FMNL2: variants seen among roughly 807,000 people sequenced by gnomAD.
The protein encoded by FMNL2 is formin like 2.
FMNL2 carries 51 observed loss-of-function variants against 130.2 expected under a neutral mutation model. The ratio of observed to expected loss-of-function variants is 0.39; its 90% confidence interval spans 0.31 to 0.49. FMNL2 has a LOEUF of 0.49. Ranked by LOEUF, FMNL2 falls within the 20% of genes least tolerant of loss-of-function variation. FMNL2 has a pLI of 0.85. For synonymous variants in FMNL2, 465 were observed against 467.1 expected (o/e 1.00, Z 0.06); for missense variants, 977 against 1,316.2 (o/e 0.74, Z 3.99).
intron 9 of FMNL2, among the ~76,000 whole-genome samples, chr2:152,602,733 T>C (rs1698145206): frequency 6.6e-6 from 1 of 152,206 alleles, no homozygotes; most frequent in African/African-American, 2.4e-5. Context: ...TGTGTAATGA[T>C]GTACACGTGC....
At chr2:152,563,938 C>T (rs958835062) in intron 6 of FMNL2, among the ~76,000 whole-genome samples, 5 of 152,096 alleles carry the variant, frequency 3.3e-5, no homozygotes, top group Admixed American at 6.6e-5. Flanking sequence ...TCATAAGTCT[C>T]GGGTGAAAAC....
intron 23 of FMNL2, among the ~76,000 whole-genome samples, chr2:152,639,287 A>C (rs576625897): frequency 1.4e-4 from 21 of 152,350 alleles, no homozygotes; most frequent in African/African-American, 4.8e-4. Context: ...GCTGGGCTGG[A>C]GGATGTGGTG....
chr2:152,540,103 G>T (rs1694225637), intron 2 of FMNL2, among the ~76,000 whole-genome samples: 4 of 151,908 alleles, frequency 2.6e-5, no homozygotes, highest in Non-Finnish European at 1.5e-5. Context: ...AATTTTTTTT[G>T]AATAATTGGA....
intron 1 of FMNL2, among the ~76,000 whole-genome samples, chr2:152,352,056 G>C (rs763006651): frequency 1.8e-4 from 27 of 152,208 alleles, no homozygotes; most frequent in Non-Finnish European, 2.9e-4. Context: ...TTCTGACTTA[G>C]AACTCTCAGA....
At chr2:152,443,009 G>C (rs1441537769) in intron 1 of FMNL2, among the ~76,000 whole-genome samples, 8 of 152,294 alleles carry the variant, frequency 5.3e-5, no homozygotes, top group African/African-American at 1.7e-4. Context: ...TTTGTGGGTG[G>C]TTGGGCAGGA....
chr2:152,377,484 A>G (rs958016357), intron 1 of FMNL2, among the ~76,000 whole-genome samples: 18 of 152,366 alleles, frequency 1.2e-4, no homozygotes, highest in African/African-American at 3.6e-4. Flanking sequence ...GCAACCAGTC[A>G]TATGTAGCTA....
chr2:152,471,956 G>T (rs556205485), intron 1 of FMNL2, among the ~76,000 whole-genome samples: 1 of 152,236 alleles, frequency 6.6e-6, no homozygotes, highest in African/African-American at 2.4e-5. Context: ...ATTTTTTAAA[G>T]CTCCTCATTC....
chr2:152,458,670 T>G (rs1434803704), intron 1 of FMNL2, among the ~76,000 whole-genome samples: 3 of 152,334 alleles, frequency 2.0e-5, no homozygotes, highest in South Asian at 2.1e-4. Flanking sequence ...AGACACTGAT[T>G]ACATGTTCTG....
intron 1 of FMNL2, among the ~76,000 whole-genome samples, chr2:152,422,138 A>G (rs1347363666): frequency 2.6e-5 from 4 of 152,216 alleles, no homozygotes; most frequent in Non-Finnish European, 4.4e-5. Context: ...AATAGGCTTA[A>G]GAAGTTCAGG....
At chr2:152,480,672 G>A (rs1579770881) in intron 1 of FMNL2, among the ~76,000 whole-genome samples, 1 of 132,068 alleles carries the variant, frequency 7.6e-6, no homozygotes. Context: ...GTGAAAATCA[G>A]CCTCAAAACA....
chr2:152,642,004 T>C (rs777686442), intron 25 of FMNL2, among the ~76,000 whole-genome samples: 1 of 151,836 alleles, frequency 6.6e-6, no homozygotes, highest in Non-Finnish European at 1.5e-5. Context: ...GCAGTGGTGC[T>C]ATCTCAGCTC....
chr2:152,370,172 T>A (rs1267184257), intron 1 of FMNL2, among the ~76,000 whole-genome samples: 1 of 152,160 alleles, frequency 6.6e-6, no homozygotes, highest in Non-Finnish European at 1.5e-5. Flanking sequence ...AAACTTTGAT[T>A]TCTCACGGTT....
chr2:152,426,955 C>G (rs1159979845), intron 1 of FMNL2, among the ~76,000 whole-genome samples: 1 of 152,204 alleles, frequency 6.6e-6, no homozygotes, highest in Non-Finnish European at 1.5e-5. Flanking sequence ...GTGGCCCATA[C>G]TCTTCCTGCC....
intron 1 of FMNL2, among the ~76,000 whole-genome samples, chr2:152,435,340 G>A (rs1185250729): frequency 6.6e-6 from 1 of 152,054 alleles, no homozygotes; most frequent in Non-Finnish European, 1.5e-5. Context: ...AGGGCAAATG[G>A]GACAGATTAT....
chr2:152,424,394 CTT>C (rs201404421), intron 1 of FMNL2, among the ~76,000 whole-genome samples: 7 of 142,048 alleles, frequency 4.9e-5, no homozygotes, highest in Admixed American at 2.1e-4. Context: ...GGCCTACCAT[CTT>C]TTTTTTTTTT....
At chr2:152,433,845 C>T (rs1026894849) in intron 1 of FMNL2, among the ~76,000 whole-genome samples, 1 of 152,184 alleles carries the variant, frequency 6.6e-6, no homozygotes. Flanking sequence ...AGAAAAGGCT[C>T]TGCAGACAGC....
chr2:152,635,655 G>T (rs1255279902), intron 21 of FMNL2, among the ~76,000 whole-genome samples: 1 of 152,214 alleles, frequency 6.6e-6, no homozygotes, highest in Non-Finnish European at 1.5e-5. Context: ...AGTCAGGCAA[G>T]GGGGCCCAGA....
At chr2:152,503,058 T>G (rs1691938349) in intron 1 of FMNL2, among the ~76,000 whole-genome samples, 1 of 152,100 alleles carries the variant, frequency 6.6e-6, no homozygotes. Flanking sequence ...GGTGCTTCTG[T>G]ATCAGGAGGG....
chr2:152,508,480 G>A (rs1253614932), intron 1 of FMNL2, among the ~76,000 whole-genome samples: 1 of 152,206 alleles, frequency 6.6e-6, no homozygotes, highest in Non-Finnish European at 1.5e-5. Flanking sequence ...ACTGGATGAA[G>A]TGCGTTGCAT....
Sources: allele counts gnomAD v4.1 joint callset (sites outside exome capture counted in the v4.1 genomes callset), GRCh38; gene constraint gnomAD v4.1.1; transcripts MANE v1.5; gene names NCBI Gene and HGNC (gene_info 2026-07-23, HGNC 2026-07-21).